The following CLDN16 variants were observed in gnomAD, a reference collection of about 807,000 sequenced individuals.
The protein encoded by CLDN16 is claudin 16, also known as claudin-16.
A neutral mutation model predicts 24.6 loss-of-function variants in CLDN16; 13 were observed. The observed-to-expected ratio is 0.53, with a 90% CI of 0.34 to 0.84. The LOEUF is 0.84. Among genes scored for constraint, CLDN16 ranks in the 40% least tolerant of loss-of-function variants. CLDN16 has a pLI of 0.01. For synonymous variants in CLDN16, 116 were observed against 106.7 expected, an observed-to-expected ratio of 1.09 and a Z score of -0.54; for missense variants, 298 against 292.7, an observed-to-expected ratio of 1.02 and a Z score of -0.13.
chr3:190,378,353 A>T (rs555566737), intron 3 of CLDN16, among the ~76,000 whole-genome samples: 1 of 152,090 alleles, frequency 6.6e-6, no homozygotes, highest in East Asian at 1.9e-4. Flanking sequence ...AAGGAGGGTA[A>T]AACTCACAAG....
At chr3:190,386,358 T>C (rs144705236), upstream of CLDN16, among the ~76,000 whole-genome samples, 206 of 152,272 alleles carry the variant, frequency 1.4e-3, no homozygotes, top group Non-Finnish European at 2.5e-3. Context: ...CGATCGCTAA[T>C]GTGTACAGTA....
At chr3:190,342,127 C>G (rs12631958) in intron 1 of CLDN16, among the ~76,000 whole-genome samples, 47,439 of 152,104 alleles carry the variant, frequency 0.31, 7,815 homozygotes, top group East Asian at 0.6. Flanking sequence ...CAAACTCTGC[C>G]TGTTACACAG....
chr3:190,311,646 T>C, the CLDN16 span, among the ~76,000 whole-genome samples: 2 of 150,968 alleles, frequency 1.3e-5, no homozygotes, highest in East Asian at 3.9e-4. Context: ...ATATAATATA[T>C]GCATCTAATA....
intron 1 of CLDN16, among the ~76,000 whole-genome samples, chr3:190,345,510 T>A (rs1717532088): frequency 6.6e-6 from 1 of 152,204 alleles, no homozygotes; most frequent in South Asian, 2.1e-4. Flanking sequence ...TAAACAAGCC[T>A]CGTGTTTTTC....
At chr3:190,372,294 G>A (rs1029273809) in intron 2 of CLDN16, among the ~76,000 whole-genome samples, 2 of 151,792 alleles carry the variant, frequency 1.3e-5, no homozygotes, top group African/African-American at 4.8e-5. Context: ...CTGAGAGTGG[G>A]GAAATTTACT....
intron 1 of CLDN16, among the ~76,000 whole-genome samples, chr3:190,389,017 C>G (rs373945840): frequency 6.6e-6 from 1 of 152,054 alleles, no homozygotes; most frequent in Non-Finnish European, 1.5e-5. Flanking sequence ...TCCCAATGTA[C>G]GGGGGACAGG....
the CLDN16 span, among the ~76,000 whole-genome samples, chr3:190,302,072 C>T: frequency 6.6e-6 from 1 of 152,166 alleles, no homozygotes; most frequent in Non-Finnish European, 1.5e-5. Flanking sequence ...GCGTTGGCCC[C>T]TTTGCTCTTT....
chr3:190,392,062 T>C (rs1240432501), intron 1 of CLDN16, among the ~76,000 whole-genome samples: 1 of 148,616 alleles, frequency 6.7e-6, no homozygotes, highest in East Asian at 1.9e-4. Flanking sequence ...TTTCAGTCTT[T>C]TTTTTTTTTT....
chr3:190,333,687 C>T (rs1370656961), intron 1 of CLDN16, among the ~76,000 whole-genome samples: 2 of 152,096 alleles, frequency 1.3e-5, no homozygotes, highest in African/African-American at 2.4e-5. Flanking sequence ...CTTATCATAA[C>T]GTGGAGTTCT....
At position 190,411,919 on chromosome 3, in the gene CLDN16, T is replaced by G. The variant is rs573815116; in HGVS notation, c.*1883T>G. ...TTAACATTTATTCCCATTTTTATTT[T>G]ATACTATTGTCTGTCATGCTTTATG... On this transcript the variant is annotated 3_prime_UTR_variant, in exon 5 of 5. Coordinates refer to ENST00000264734, the MANE Select transcript of CLDN16 (RefSeq NM_006580.4). The G allele has an allele frequency of 1.9e-3, 297 of 152,322 alleles. 1 individual carries two copies. Among genetic ancestry groups the G allele is most frequent in the African/African-American group, 6.7e-3 (277 of 41,594 alleles). The allele number at this position is 152,322 out of a possible 1,614,324, so 9.4% of individuals were successfully genotyped here.
chr3:190,409,129 A>C (rs1433883288), intron 4 of CLDN16, among the ~76,000 whole-genome samples: 1 of 151,130 alleles, frequency 6.6e-6, no homozygotes, highest in Non-Finnish European at 1.5e-5. Context: ...TTTAATGGTA[A>C]TTGGAATTTT....
chr3:190,408,669 C>T (rs1479170657), intron 4 of CLDN16, among the ~76,000 whole-genome samples, 164 bp downstream of exon 4: 1 of 150,832 alleles, frequency 6.6e-6, no homozygotes, highest in Non-Finnish European at 1.5e-5. Flanking sequence ...AATACTCAAA[C>T]ATTATTACCC....
chr3:190,388,078 G>C (rs768547943), upstream of CLDN16: 1 of 1,583,942 alleles, frequency 6.3e-7, no homozygotes, highest in Non-Finnish European at 8.7e-7. Flanking sequence ...CTCAGCCCTT[G>C]CACTGACCTG....
chr3:190,352,754 G>T (rs1461049442), intron 1 of CLDN16, among the ~76,000 whole-genome samples: 1 of 151,076 alleles, frequency 6.6e-6, no homozygotes, highest in Non-Finnish European at 1.5e-5. Flanking sequence ...CCTCCAAAGA[G>T]AATCTCGTAG....
the CLDN16 span, among the ~76,000 whole-genome samples, chr3:190,301,092 C>A: frequency 6.6e-6 from 1 of 152,176 alleles, no homozygotes; most frequent in African/African-American, 2.4e-5. Context: ...ACTGAAGTTT[C>A]ATTACTCTCT....
intron 2 of CLDN16, among the ~76,000 whole-genome samples, chr3:190,404,017 G>C (rs1719026677): frequency 6.6e-6 from 1 of 152,066 alleles, no homozygotes; most frequent in Non-Finnish European, 1.5e-5. Context: ...GAAAACCACT[G>C]TTTATATTTA....
chr3:190,343,403 G>T (rs1214183654), intron 1 of CLDN16, among the ~76,000 whole-genome samples: 1 of 152,020 alleles, frequency 6.6e-6, no homozygotes, highest in Non-Finnish European at 1.5e-5. Flanking sequence ...AGTTCCTAAA[G>T]AAATTAAAAA....
At chr3:190,396,880 A>C (rs118133751) in intron 1 of CLDN16, among the ~76,000 whole-genome samples, 1 of 152,056 alleles carries the variant, frequency 6.6e-6, no homozygotes, top group East Asian at 1.9e-4. Context: ...AGTTATTCTC[A>C]TTAGTATAAT....
the CLDN16 span, among the ~76,000 whole-genome samples, chr3:190,302,882 G>A: frequency 2.0e-5 from 3 of 150,792 alleles, no homozygotes; most frequent in Admixed American, 1.3e-4. Context: ...TAAAGCACAA[G>A]TCAAAATTAT....
Sources: allele counts gnomAD v4.1 joint callset (sites outside exome capture counted in the v4.1 genomes callset), GRCh38; gene constraint gnomAD v4.1.1; transcripts MANE v1.5; gene names NCBI Gene and HGNC (gene_info 2026-07-23, HGNC 2026-07-21).